RXFP2: variants seen among roughly 807,000 people sequenced by gnomAD.
RXFP2 encodes relaxin family peptide receptor 2.
A neutral mutation model predicts 88.6 loss-of-function variants in RXFP2; 68 were observed. The observed-to-expected ratio is 0.77, with a 90% CI of 0.63 to 0.94. The LOEUF (loss-of-function observed/expected upper bound fraction) is 0.94. RXFP2 is among the 40% of genes least tolerant of loss of function. The pLI is 0.00. For missense variants in RXFP2, 791 were observed against 893.9 expected (o/e 0.88, Z 1.47); for synonymous variants, 329 against 306.8 (o/e 1.07, Z -0.76).
chr13:31,739,546 C>A lies in RXFP2; in HGVS notation c.-67C>A. On this transcript the variant is annotated 5_prime_UTR_variant, in exon 1 of 18. Coordinates refer to ENST00000298386, the MANE Select transcript of RXFP2 (RefSeq NM_130806.5). ...TGCTCAGAACATGGGAGGCACTGAA[C>A]TTACTACATCAGAACTCCTGCTGAG... The A allele has an allele frequency of 1.0e-6, 1 of 1,003,656 alleles. No individual in the cohort carries two copies. Among genetic ancestry groups the A allele is most frequent in the Non-Finnish European group, 1.6e-6 (1 of 625,326 alleles). The allele number at this position is 1,003,656 out of a possible 1,614,324, so 62.2% of individuals were successfully genotyped here.
Position 31,802,313 on chromosome 13 carries a change from T to C in RXFP2, c.2173T>C (p.Ser725Pro). ...FKIKKKSLST[S>P]IVWIEDSSSL... ...AATTAAAAAAAAAAGTTTATCTACA[T>C]CCATTGTGTGGATAGAGGACTCCTC... Residue 725 changes from serine to proline, a missense_variant, in exon 18 of 18, where the codon TCC becomes CCC. Physicochemically the swap from Ser to Pro is moderately conservative, Grantham distance 74 (BLOSUM62 -1). Transcript: ENST00000298386. 1 of 1,611,368 alleles carries C rather than the reference T, an allele frequency of 6.2e-7. No individual in the cohort carries two copies. The highest frequency in any genetic ancestry group is 8.5e-7 in the Non-Finnish European group (1 of 1,177,572).
At chr13:31,772,579 T>G (rs761308446) in intron 5 of RXFP2, among the ~76,000 whole-genome samples, 2 of 152,172 alleles carry the variant, frequency 1.3e-5, no homozygotes, top group African/African-American at 4.8e-5. Flanking sequence ...CCACACATTC[T>G]TTAAGCTACT....
chr13:31,795,469 C>T (rs375153290), intron 16 of RXFP2, among the ~76,000 whole-genome samples: 3 of 152,088 alleles, frequency 2.0e-5, no homozygotes, highest in South Asian at 2.1e-4. Flanking sequence ...CACTTTTGAT[C>T]CTTTCTGTAA....
At chr13:31,768,631 T>C (rs1220002768) in intron 5 of RXFP2, among the ~76,000 whole-genome samples, 2 of 152,178 alleles carry the variant, frequency 1.3e-5, no homozygotes, top group African/African-American at 4.8e-5. Context: ...CAGAATATGT[T>C]ATTATCAATG....
intron 2 of RXFP2, among the ~76,000 whole-genome samples, chr13:31,759,662 T>C (rs997501281): frequency 2.6e-5 from 4 of 152,196 alleles, no homozygotes; most frequent in South Asian, 2.1e-4. Flanking sequence ...CTAAAAAATA[T>C]TTTTCTCTGG....
chr13:31,796,590 T>A (rs140759004), intron 16 of RXFP2, among the ~76,000 whole-genome samples: 1 of 152,168 alleles, frequency 6.6e-6, no homozygotes, highest in African/African-American at 2.4e-5. Flanking sequence ...TACTTCATGA[T>A]ATGCCTAGAT....
intron 13 of RXFP2, 104 bp downstream of exon 13, chr13:31,786,741 G>A (rs1189724055): frequency 1.4e-6 from 1 of 735,212 alleles, no homozygotes; most frequent in African/African-American, 1.8e-5. Context: ...ATGCATTTCA[G>A]ACAACTGTCT....
At chr13:31,763,578 AT>A (rs1872402952) in intron 3 of RXFP2, among the ~76,000 whole-genome samples, 1 of 152,290 alleles carries the variant, frequency 6.6e-6, no homozygotes, top group South Asian at 2.1e-4. Context: ...ACTGGTTATT[AT>A]GTTTATTCCA....
chr13:31,765,388 C>T (rs866561955), intron 4 of RXFP2, among the ~76,000 whole-genome samples: 1 of 151,466 alleles, frequency 6.6e-6, no homozygotes, highest in Non-Finnish European at 1.5e-5. Flanking sequence ...TTTTCAATTG[C>T]TTTCTGATTT....
intron 1 of RXFP2, among the ~76,000 whole-genome samples, chr13:31,756,778 G>A (rs1301779708): frequency 6.6e-6 from 1 of 151,848 alleles, no homozygotes; most frequent in East Asian, 1.9e-4. Context: ...GTGCCACCAT[G>A]CCTGACTAAT....
At chr13:31,794,367 AC>A (rs1566237220) in intron 16 of RXFP2, among the ~76,000 whole-genome samples, 1 of 69,206 alleles carries the variant, frequency 1.4e-5, no homozygotes, top group African/African-American at 5.1e-5. Context: ...TGAAACACAC[AC>A]CACACACACA....
intron 17 of RXFP2, among the ~76,000 whole-genome samples, chr13:31,801,678 A>G (rs1406991900): frequency 1.3e-5 from 2 of 152,136 alleles, no homozygotes; most frequent in Non-Finnish European, 2.9e-5. Context: ...TTTTAATAGG[A>G]TAACAGGATA....
intron 3 of RXFP2, among the ~76,000 whole-genome samples, chr13:31,762,702 T>C (rs1170750084): frequency 1.3e-5 from 2 of 152,140 alleles, no homozygotes; most frequent in South Asian, 2.1e-4. Context: ...TACTCTATAA[T>C]ACCAGTTTAT....
chr13:31,790,692 T>C (rs1327740209), intron 14 of RXFP2, among the ~76,000 whole-genome samples: 1 of 152,190 alleles, frequency 6.6e-6, no homozygotes, highest in Non-Finnish European at 1.5e-5. Context: ...GAATAAGTGC[T>C]ACAAATTTAA....
chr13:31,746,186 G>C (rs1871406994), intron 1 of RXFP2, among the ~76,000 whole-genome samples: 1 of 152,162 alleles, frequency 6.6e-6, no homozygotes, highest in Non-Finnish European at 1.5e-5. Flanking sequence ...GCACATTTAG[G>C]AAGCAGCCCA....
chr13:31,764,982 G>C, intron 3 of RXFP2, 55 bp from the exon 4 acceptor site: 1 of 959,616 alleles, frequency 1.0e-6, no homozygotes, highest in South Asian at 1.3e-5. Context: ...TAAAGGCAAA[G>C]TCATAATTAA....
At chr13:31,783,051 T>G (rs1361304043) in intron 11 of RXFP2, among the ~76,000 whole-genome samples, 5 of 152,216 alleles carry the variant, frequency 3.3e-5, no homozygotes, top group Admixed American at 6.5e-5. Context: ...GATCATTTCT[T>G]TCTACTGACT....
At position 31,755,409 on chromosome 13, in the gene RXFP2, G is replaced by A. The variant is rs542684027; in HGVS notation, c.95-2849G>A. Among the ~76,000 whole-genome samples the A allele has an allele frequency of 3.3e-5, 5 of 152,176 alleles. No homozygotes were observed. In the South Asian group the frequency reaches 8.3e-4, roughly 25 times the overall value. ...GGTGTGGGTGTGGGCATGAGTGTGC[G>A]TGGGTGTGTGCTAGTGTGTGTGGGT... On this transcript the variant is annotated intron_variant, in intron 1 of 17. Transcript: ENST00000298386.
chr13:31,760,338 G>C (rs142648032), intron 2 of RXFP2, among the ~76,000 whole-genome samples: 1 of 152,128 alleles, frequency 6.6e-6, no homozygotes, highest in Admixed American at 6.5e-5. Flanking sequence ...TGATCCGCCC[G>C]CCTCGGCCTC....
Sources: gnomAD v4.1 joint callset for allele counts (sites outside exome capture counted in the v4.1 genomes callset) on GRCh38, gnomAD v4.1.1 for gene constraint, MANE v1.5 for transcripts, NCBI Gene and HGNC (gene_info 2026-07-23, HGNC 2026-07-21) for gene names.